Variants in SLC25A48 observed in about 807,000 individuals in gnomAD.
The protein encoded by SLC25A48 is CTC-321K16.1.
In SLC25A48, 29 loss-of-function variants were observed where a neutral mutation model predicts 32.2. The ratio of observed to expected loss-of-function variants is 0.90; its 90% CI spans 0.67 to 1.23. The LOEUF (loss-of-function observed/expected upper bound fraction) is 1.23, where lower values mean the gene tolerates loss of function less well. Among genes scored for constraint, SLC25A48 ranks in the 50% most tolerant of loss-of-function variants. The pLI is 0.00. For synonymous variants in SLC25A48, 164 were observed against 172.3 expected (o/e 0.95, Z 0.38); for missense variants, 399 against 422.7 (o/e 0.94, Z 0.49).
In SLC25A48 at chr5:135,778,836, CACA is replaced by C. The variant is rs1451287009; in HGVS notation, c.-520-33686_-520-33684del. 7.4e-3 allele frequency among the ~76,000 whole-genome samples: 40 copies of C among 5,402 alleles called. 1 individual carries two copies. Among genetic ancestry groups the C allele is most frequent in the South Asian group, 0.031 (2 of 64 alleles). The allele number at this position is 5,402 out of a possible 152,430, so 3.5% of individuals were successfully genotyped here. A position where few individuals can be genotyped will look rare whatever the true frequency, so the allele number is the denominator to read the frequency against. ...TACCCAACATCGCCAGTGGTGTACA[CACA>C]CCCCCCCCGCCCCGCCGTGACATTG... On this transcript the variant is annotated intron_variant, in intron 3 of 10. Transcript: ENST00000646290.
intron 3 of SLC25A48, among the ~76,000 whole-genome samples, chr5:135,682,577 C>T (rs1198790690): frequency 6.6e-6 from 1 of 152,126 alleles, no homozygotes; most frequent in Non-Finnish European, 1.5e-5. Context: ...TAACTAATCA[C>T]CACAATACTT....
intron 1 of SLC25A48, among the ~76,000 whole-genome samples, chr5:135,587,917 A>T (rs1751408529): frequency 6.6e-6 from 1 of 152,230 alleles, no homozygotes; most frequent in Non-Finnish European, 1.5e-5. Context: ...CTTGTGCTGA[A>T]GGGAAACCAG....
intron 3 of SLC25A48, among the ~76,000 whole-genome samples, chr5:135,724,113 G>A (rs1279029218): frequency 6.6e-6 from 1 of 152,112 alleles, no homozygotes; most frequent in Non-Finnish European, 1.5e-5. Flanking sequence ...TTTTCTCAAC[G>A]GGAATTCAAT....
At chr5:135,867,100 A>C (rs565200492) in intron 4 of SLC25A48, among the ~76,000 whole-genome samples, 11 of 152,356 alleles carry the variant, frequency 7.2e-5, no homozygotes, top group Admixed American at 6.5e-4. Flanking sequence ...AAAAGATCAA[A>C]ATTTGATTAA....
chr5:135,610,537 T>C (rs1192645535), intron 1 of SLC25A48, among the ~76,000 whole-genome samples: 1 of 152,216 alleles, frequency 6.6e-6, no homozygotes, highest in African/African-American at 2.4e-5. Context: ...TTGACAGCAA[T>C]AATTTCATCA....
chr5:135,753,992 G>A (rs977631075), intron 3 of SLC25A48, among the ~76,000 whole-genome samples: 1 of 151,676 alleles, frequency 6.6e-6, no homozygotes, highest in Non-Finnish European at 1.5e-5. Flanking sequence ...GATATCACAG[G>A]GTGTACGCAC....
chr5:135,692,055 C>T lies in SLC25A48; in HGVS notation c.-521+57099C>T, dbSNP rs527853683. ...TAGGCAGTCCGGGCGCGGTGGCTCA[C>T]ACCTGTAATCCCAGCACTTTGGGAG... On this transcript the variant is annotated intron_variant, in intron 3 of 10. Transcript: ENST00000646290. Among the ~76,000 whole-genome samples, 19 of 152,254 alleles carry T rather than the reference C, an allele frequency of 1.2e-4. No individual in the cohort carries two copies. In the East Asian group the frequency reaches 1.7e-3, roughly 14 times the overall value.
chr5:135,854,354 T>C (rs776409487), intron 4 of SLC25A48, among the ~76,000 whole-genome samples: 2 of 152,280 alleles, frequency 1.3e-5, no homozygotes, highest in Non-Finnish European at 1.5e-5. Flanking sequence ...CTTTTTCCAA[T>C]AGAAGGCTGT....
At chr5:135,757,612 ATAT>A (rs912382016) in intron 3 of SLC25A48, among the ~76,000 whole-genome samples, 1 of 149,596 alleles carries the variant, frequency 6.7e-6, no homozygotes, top group African/African-American at 2.4e-5. Context: ...CTTCTAGATG[ATAT>A]TAATAAAATA....
At chr5:135,663,260 A>C (rs576947332) in intron 3 of SLC25A48, among the ~76,000 whole-genome samples, 124 of 152,308 alleles carry the variant, frequency 8.1e-4, no homozygotes, top group African/African-American at 2.9e-3. Flanking sequence ...TACTCCTGTA[A>C]TCATACTTTC....
upstream of SLC25A48, among the ~76,000 whole-genome samples, chr5:135,834,374 G>A (rs1033296244): frequency 1.3e-5 from 2 of 152,238 alleles, no homozygotes; most frequent in African/African-American, 4.8e-5. Flanking sequence ...AGTTGGGATG[G>A]GAGAGAGTCC....
chr5:135,685,818 G>A (rs1754010590), intron 3 of SLC25A48, among the ~76,000 whole-genome samples: 1 of 152,214 alleles, frequency 6.6e-6, no homozygotes, highest in Non-Finnish European at 1.5e-5. Flanking sequence ...CACATGCTGG[G>A]ATTGAAGCCA....
At chr5:135,622,422 A>G (rs1378307022) in intron 1 of SLC25A48, among the ~76,000 whole-genome samples, 2 of 152,246 alleles carry the variant, frequency 1.3e-5, no homozygotes, top group Non-Finnish European at 2.9e-5. Context: ...AACAGCTGAA[A>G]TGTCCAACAA....
chr5:135,866,151 A>G (rs1031352450), intron 4 of SLC25A48, among the ~76,000 whole-genome samples: 2 of 152,158 alleles, frequency 1.3e-5, no homozygotes, highest in African/African-American at 4.8e-5. Context: ...TTTTCTGTAG[A>G]AAGTGGCCTC....
chr5:135,716,146 G>T (rs1416298869), intron 3 of SLC25A48, among the ~76,000 whole-genome samples: 2 of 152,148 alleles, frequency 1.3e-5, no homozygotes, highest in Non-Finnish European at 2.9e-5. Context: ...CATTTTGGCC[G>T]AACTATCCTC....
chr5:135,622,836 T>A (rs1233021253), intron 1 of SLC25A48, among the ~76,000 whole-genome samples: 2 of 152,202 alleles, frequency 1.3e-5, no homozygotes, highest in Non-Finnish European at 2.9e-5. Flanking sequence ...AAATGTTACT[T>A]TAAAATGGTA....
chr5:135,744,159 T>C (rs79694395), intron 3 of SLC25A48, among the ~76,000 whole-genome samples: 1,955 of 152,276 alleles, frequency 0.013, 43 homozygotes, highest in African/African-American at 0.043. Context: ...CCTACTGCAC[T>C]TTTTCCTGCA....
intron 3 of SLC25A48, among the ~76,000 whole-genome samples, chr5:135,794,267 A>G (rs528736404): frequency 6.6e-6 from 1 of 151,412 alleles, no homozygotes; most frequent in Non-Finnish European, 1.5e-5. Flanking sequence ...GTTACTCCCA[A>G]TATTGCGGGG....
intron 3 of SLC25A48, among the ~76,000 whole-genome samples, chr5:135,681,615 A>C (rs1753899075): frequency 6.6e-6 from 1 of 152,156 alleles, no homozygotes; most frequent in African/African-American, 2.4e-5. Context: ...GGTAATTTTT[A>C]ATTGCTTGCC....
Sources: allele counts gnomAD v4.1 joint callset (sites outside exome capture counted in the v4.1 genomes callset), GRCh38; gene constraint gnomAD v4.1.1; transcripts MANE v1.5; gene names NCBI Gene and HGNC (gene_info 2026-07-23, HGNC 2026-07-21).